The following UBE2E2 variants were observed in gnomAD, a reference collection of about 807,000 sequenced individuals.
The protein encoded by UBE2E2 is ubiquitin-conjugating enzyme E2 E2.
A neutral mutation model predicts 24.7 loss-of-function variants in UBE2E2; 6 were observed. The observed-to-expected ratio is 0.24, with a 90% CI of 0.13 to 0.48. The LOEUF (loss-of-function observed/expected upper bound fraction) is 0.48. Ranked by LOEUF, UBE2E2 falls within the 20% of genes least tolerant of loss-of-function variation. The pLI is 0.99. For missense variants in UBE2E2, 169 were observed against 245.0 expected (o/e 0.69, Z 2.07); for synonymous variants, 104 against 83.6 (o/e 1.24, Z -1.33).
intron 3 of UBE2E2, among the ~76,000 whole-genome samples, chr3:23,254,437 C>T (rs980484186): frequency 5.3e-5 from 8 of 151,996 alleles, no homozygotes; most frequent in Non-Finnish European, 1.0e-4. Context: ...GTCCAGTAGC[C>T]GGTGTTTAAG....
intron 5 of UBE2E2, among the ~76,000 whole-genome samples, chr3:23,574,597 C>G (rs1391430465): frequency 6.6e-6 from 1 of 151,880 alleles, no homozygotes; most frequent in Non-Finnish European, 1.5e-5. Flanking sequence ...CACCTGTAGC[C>G]CCAGCTACTT....
intron 2 of UBE2E2, among the ~76,000 whole-genome samples, chr3:23,216,032 C>G (rs1334690517): frequency 6.6e-6 from 1 of 152,104 alleles, no homozygotes; most frequent in Non-Finnish European, 1.5e-5. Context: ...TAGTTAACTT[C>G]TATTTTACAG....
chr3:23,223,663 A>G (rs1403298907), intron 3 of UBE2E2, among the ~76,000 whole-genome samples: 1 of 152,114 alleles, frequency 6.6e-6, no homozygotes, highest in African/African-American at 2.4e-5. Flanking sequence ...TTTGCTGTGC[A>G]GAAGCTTTTT....
intron 5 of UBE2E2, among the ~76,000 whole-genome samples, chr3:23,537,296 A>T (rs192209415): frequency 6.6e-6 from 1 of 152,332 alleles, no homozygotes; most frequent in Non-Finnish European, 1.5e-5. Context: ...AGGCAGAACT[A>T]TACAGGTCAG....
At chr3:23,523,676 T>C (rs529015480) in intron 4 of UBE2E2, among the ~76,000 whole-genome samples, 2 of 152,140 alleles carry the variant, frequency 1.3e-5, no homozygotes, top group African/African-American at 4.8e-5. Context: ...GATATACATA[T>C]TTTTCAGGAT....
intron 3 of UBE2E2, among the ~76,000 whole-genome samples, chr3:23,364,698 G>A (rs1696210640): frequency 6.6e-6 from 1 of 152,166 alleles, no homozygotes; most frequent in South Asian, 2.1e-4. Context: ...AATGTGTAAG[G>A]AAAAGCTGGT....
chr3:23,203,497 C>T, intron 1 of UBE2E2, 33 bp downstream of exon 1: 7 of 978,570 alleles, frequency 7.2e-6, no homozygotes, highest in Non-Finnish European at 8.5e-6. Flanking sequence ...TGCCTCCCCT[C>T]CTCGGGCGTC....
chr3:23,364,827 A>G (rs1696213735), intron 3 of UBE2E2, among the ~76,000 whole-genome samples: 1 of 152,166 alleles, frequency 6.6e-6, no homozygotes, highest in African/African-American at 2.4e-5. Flanking sequence ...AAAAAAGAAA[A>G]TCTTAGGCCA....
intron 3 of UBE2E2, among the ~76,000 whole-genome samples, chr3:23,452,427 A>G (rs1053436309): frequency 6.6e-6 from 1 of 152,292 alleles, no homozygotes; most frequent in East Asian, 1.9e-4. Flanking sequence ...AATTTGGAAC[A>G]TGGTGTTTTC....
intron 3 of UBE2E2, among the ~76,000 whole-genome samples, chr3:23,291,150 C>T (rs990089789): frequency 6.6e-6 from 1 of 151,390 alleles, no homozygotes; most frequent in Admixed American, 6.6e-5. Flanking sequence ...GCAGATTCTC[C>T]TTGGGGTAGA....
At chr3:23,309,546 A>G (rs888171201) in intron 3 of UBE2E2, among the ~76,000 whole-genome samples, 5 of 152,140 alleles carry the variant, frequency 3.3e-5, no homozygotes, top group African/African-American at 7.2e-5. Context: ...TGGGGTAGGA[A>G]TTGAGGCATA....
intron 3 of UBE2E2, among the ~76,000 whole-genome samples, chr3:23,394,147 C>T (rs1296093908): frequency 6.6e-6 from 1 of 152,212 alleles, no homozygotes; most frequent in Non-Finnish European, 1.5e-5. Context: ...TGCGTGCAAA[C>T]AGCATGGTCC....
intron 5 of UBE2E2, among the ~76,000 whole-genome samples, chr3:23,564,037 G>T (rs1364077028): frequency 6.6e-6 from 1 of 150,606 alleles, no homozygotes; most frequent in Admixed American, 6.6e-5. Context: ...GGTTTTTTCT[G>T]TTTTTTTTTA....
At chr3:23,253,976 G>T in intron 3 of UBE2E2, among the ~76,000 whole-genome samples, 1 of 152,098 alleles carries the variant, frequency 6.6e-6, no homozygotes, top group African/African-American at 2.4e-5. Context: ...ATTTAGATTT[G>T]TGATTTTAAG....
At chr3:23,321,674 TC>T (rs1416809595) in intron 3 of UBE2E2, among the ~76,000 whole-genome samples, 2 of 148,488 alleles carry the variant, frequency 1.3e-5, no homozygotes, top group East Asian at 4.0e-4. Flanking sequence ...TGCCATGGCT[TC>T]CCACTATTAT....
At chr3:23,577,998 C>G (rs927364524) in intron 5 of UBE2E2, among the ~76,000 whole-genome samples, 4 of 146,330 alleles carry the variant, frequency 2.7e-5, no homozygotes, top group African/African-American at 7.7e-5. Flanking sequence ...ACGGTTGAGA[C>G]CTACCTCTCA....
intron 3 of UBE2E2, among the ~76,000 whole-genome samples, chr3:23,371,533 G>A (rs1051433237): frequency 6.6e-6 from 1 of 152,070 alleles, no homozygotes; most frequent in African/African-American, 2.4e-5. Flanking sequence ...AAATAAGAGT[G>A]GCTTTGTATT....
intron 3 of UBE2E2, among the ~76,000 whole-genome samples, chr3:23,361,565 A>G (rs942488233): frequency 3.3e-5 from 5 of 152,210 alleles, no homozygotes; most frequent in Admixed American, 3.3e-4. Flanking sequence ...TTCTAAGTGA[A>G]GTAACTCAGA....
intron 3 of UBE2E2, among the ~76,000 whole-genome samples, chr3:23,284,032 G>A (rs890089040): frequency 2.6e-5 from 4 of 152,120 alleles, no homozygotes; most frequent in Middle Eastern, 3.2e-3. Flanking sequence ...GGCCATGTTA[G>A]GAATAAACCC....
Sources: allele counts gnomAD v4.1 joint callset (sites outside exome capture counted in the v4.1 genomes callset), GRCh38; gene constraint gnomAD v4.1.1; transcripts MANE v1.5; gene names NCBI Gene and HGNC (gene_info 2026-07-23, HGNC 2026-07-21).